Variants in ATP13A5 observed in about 807,000 individuals in gnomAD.
ATP13A5 encodes the protein probable cation-transporting ATPase 13A5.
Under a neutral mutation model 150.2 loss-of-function variants are expected in ATP13A5, and 149 were observed. The ratio of observed to expected loss-of-function variants is 0.99; its 90% confidence interval spans 0.87 to 1.14. The LOEUF (loss-of-function observed/expected upper bound fraction) is 1.14. Ranked by LOEUF, ATP13A5 falls within the 50% of genes most tolerant of loss-of-function variation. ATP13A5 has a pLI of 0.00. For missense variants in ATP13A5, 1,383 were observed against 1,449.3 expected (o/e 0.95, Z 0.74); for synonymous variants, 497 against 522.2 (o/e 0.95, Z 0.66).
intron 9 of ATP13A5, among the ~76,000 whole-genome samples, chr3:193,337,278 T>C (rs2108878827): frequency 6.6e-6 from 1 of 152,290 alleles, no homozygotes; most frequent in East Asian, 1.9e-4. Context: ...TTTGTTGCCA[T>C]TGCTTTTGGT....
intron 27 of ATP13A5, among the ~76,000 whole-genome samples, chr3:193,281,797 G>T (rs1021722927): frequency 6.6e-6 from 1 of 152,098 alleles, no homozygotes; most frequent in Non-Finnish European, 1.5e-5. Flanking sequence ...TATCAGTTAT[G>T]TCTGGTATAG....
chr3:193,309,618 C>T (rs564381701), intron 21 of ATP13A5, among the ~76,000 whole-genome samples: 23 of 152,278 alleles, frequency 1.5e-4, no homozygotes, highest in African/African-American at 2.4e-4. Context: ...CAGCAACATC[C>T]GTCTTGTGTG....
At chr3:193,277,413 T>C (rs1717270195) in intron 28 of ATP13A5, among the ~76,000 whole-genome samples, 1 of 152,128 alleles carries the variant, frequency 6.6e-6, no homozygotes, top group Admixed American at 6.6e-5. Flanking sequence ...GTGAGAGCCA[T>C]AACTTCCCAC....
chr3:193,284,195 A>G (rs1273531192), intron 27 of ATP13A5, among the ~76,000 whole-genome samples: 1 of 151,376 alleles, frequency 6.6e-6, no homozygotes, highest in Non-Finnish European at 1.5e-5. Context: ...CTAATTTGTA[A>G]AAGTGTTTTT....
intron 9 of ATP13A5, among the ~76,000 whole-genome samples, chr3:193,341,208 T>C (rs923117494): frequency 1.4e-5 from 2 of 146,746 alleles, no homozygotes; most frequent in Non-Finnish European, 3.0e-5. Flanking sequence ...TCCAGACTCC[T>C]CCCATTTGAG....
intron 14 of ATP13A5, chr3:193,323,960 G>A (rs1719380346): frequency 6.6e-6 from 1 of 152,088 alleles, no homozygotes; most frequent in Admixed American, 6.6e-5. Context: ...GAGGCAACAG[G>A]GTGTAATTAA....
rs985192946 is a variant in ATP13A5 at position 193,278,050 on chromosome 3, C to T, written c.3316-1220G>A. Among the ~76,000 whole-genome samples, 9 of 152,230 alleles carry T rather than the reference C, an allele frequency of 5.9e-5. No homozygotes were observed. The East Asian group carries it at 7.7e-4, about 13-fold the overall frequency. ...AACTCCTGACCTCAAGTGATCCACC[C>T]GCCTTGGCCTCCTAGAGTGCAGGGA... On this transcript the variant is annotated intron_variant, in intron 28 of 29. Coordinates refer to ENST00000342358, the MANE Select transcript of ATP13A5 (RefSeq NM_198505.4).
At chr3:193,378,286 C>T (rs1488940609) in intron 1 of ATP13A5, among the ~76,000 whole-genome samples, 1 of 152,186 alleles carries the variant, frequency 6.6e-6, no homozygotes, top group African/African-American at 2.4e-5. Flanking sequence ...ATACCCAAAG[C>T]ACGAGAATAA....
In ATP13A5 at chr3:193,275,032, A is replaced by G; in HGVS notation, c.*10T>C. 6.2e-7 allele frequency: 1 copy of G among 1,613,936 alleles called. No homozygotes were observed. The highest frequency in any genetic ancestry group is 8.5e-7 in the Non-Finnish European group (1 of 1,179,916). ...GCAATGCTGTTGAGCATGTACGACGACAATTCTGATTACAGCCTGGCCCAG... is the reference window on the plus strand; with the variant it reads ...GCAATGCTGTTGAGCATGTACGACGGCAATTCTGATTACAGCCTGGCCCAG... On this transcript the variant is annotated 3_prime_UTR_variant, in exon 30 of 30. Coordinates refer to ENST00000342358, the MANE Select transcript of ATP13A5 (RefSeq NM_198505.4).
chr3:193,328,416 G>A (rs2108869720), intron 12 of ATP13A5, among the ~76,000 whole-genome samples: 1 of 152,228 alleles, frequency 6.6e-6, no homozygotes, highest in South Asian at 2.1e-4. Context: ...CACCATGTTC[G>A]GTTTCCAAAT....
At chr3:193,350,975 C>T in intron 7 of ATP13A5, 92 bp downstream of exon 7, 1 of 1,451,968 alleles carries the variant, frequency 6.9e-7, no homozygotes, top group South Asian at 1.3e-5. Context: ...TTATGGTTGA[C>T]AAAGCAACTC....
chr3:193,369,403 G>A (rs1713363293), intron 1 of ATP13A5, among the ~76,000 whole-genome samples: 1 of 152,254 alleles, frequency 6.6e-6, no homozygotes, highest in South Asian at 2.1e-4. Context: ...GAGCCCAGGA[G>A]TTCAAGACAA....
intron 13 of ATP13A5, among the ~76,000 whole-genome samples, chr3:193,326,120 G>A (rs73888256): frequency 0.15 from 23,303 of 152,080 alleles, 2,110 homozygotes; most frequent in East Asian, 0.29. Context: ...CGTCATCTTG[G>A]GAGTCCCCTG....
At chr3:193,375,984 G>A (rs536102431) in intron 1 of ATP13A5, among the ~76,000 whole-genome samples, 52 of 152,280 alleles carry the variant, frequency 3.4e-4, no homozygotes, top group African/African-American at 1.0e-3. Context: ...TAATGAATGC[G>A]AGTAGAAGTT....
At chr3:193,342,789 G>A (rs1274359787) in intron 9 of ATP13A5, among the ~76,000 whole-genome samples, 1 of 152,148 alleles carries the variant, frequency 6.6e-6, no homozygotes, top group Non-Finnish European at 1.5e-5. Flanking sequence ...TTACCAATGA[G>A]AGAAGTCATT....
intron 11 of ATP13A5, among the ~76,000 whole-genome samples, chr3:193,333,503 A>G (rs1711721560): frequency 6.6e-6 from 1 of 152,190 alleles, no homozygotes; most frequent in South Asian, 2.1e-4. Context: ...TAAAAGTGGA[A>G]ATTAACTTCA....
intron 7 of ATP13A5, among the ~76,000 whole-genome samples, chr3:193,350,297 G>C (rs1171942954): frequency 1.3e-5 from 2 of 152,066 alleles, no homozygotes; most frequent in Admixed American, 1.3e-4. Context: ...GGACCTTCGT[G>C]TTTGAATTTA....
chr3:193,324,840 C>T (rs778705884), intron 14 of ATP13A5, 24 bp downstream of exon 14: 2 of 1,603,890 alleles, frequency 1.2e-6, no homozygotes, highest in East Asian at 4.5e-5. Context: ...AGATTCTCAT[C>T]TTTCCATTAA....
At position 193,374,301 on chromosome 3, in the gene ATP13A5, C is replaced by CACACAGAG. The variant is rs1441073312; in HGVS notation, c.63+4361_63+4362insCTCTGTGT. Among the ~76,000 whole-genome samples, 108 of 144,338 alleles carry CACACAGAG rather than the reference C, an allele frequency of 7.5e-4. 1 individual carries two copies. Among genetic ancestry groups the CACACAGAG allele is most frequent in the African/African-American group, 2.3e-3 (89 of 38,964 alleles). The allele number at this position is 144,338 out of a possible 152,430, so 94.7% of individuals were successfully genotyped here. ...GCACACACACACACACACACACACA[C>CACACAGAG]AGAGAGAGAGAGAGGAAAGATTCCA... On this transcript the variant is annotated intron_variant, in intron 1 of 29. Coordinates refer to ENST00000342358, the MANE Select transcript of ATP13A5 (RefSeq NM_198505.4).
Sources: gnomAD v4.1 joint callset for allele counts (sites outside exome capture counted in the v4.1 genomes callset) on GRCh38, gnomAD v4.1.1 for gene constraint, MANE v1.5 for transcripts, NCBI Gene and HGNC (gene_info 2026-07-23, HGNC 2026-07-21) for gene names.